Variants in FMN1 observed in about 807,000 individuals in gnomAD.
The protein encoded by FMN1 is formin-1.
Under a neutral mutation model 132.4 loss-of-function variants are expected in FMN1, and 110 were observed. The ratio of observed to expected loss-of-function variants is 0.83; its 90% CI spans 0.71 to 0.97. The LOEUF is 0.97. FMN1 is among the 50% of genes least tolerant of loss of function. The pLI, the probability that FMN1 is intolerant of heterozygous loss-of-function variation, is 0.00. For missense variants in FMN1, 1,792 were observed against 1,705.3 expected, an observed-to-expected ratio of 1.05 and a Z score of -0.90; for synonymous variants, 722 against 651.7, an observed-to-expected ratio of 1.11 and a Z score of -1.64.
intron 5 of FMN1, among the ~76,000 whole-genome samples, 190 bp from the exon 6 acceptor site, chr15:33,065,264 G>A (rs555423381): frequency 6.6e-6 from 1 of 151,686 alleles, no homozygotes; most frequent in Admixed American, 6.5e-5. Flanking sequence ...CAGTTGAGGT[G>A]AAAATTTAAA....
At chr15:33,030,438 T>C (rs1276124150) in intron 6 of FMN1, among the ~76,000 whole-genome samples, 1 of 152,226 alleles carries the variant, frequency 6.6e-6, no homozygotes, top group Non-Finnish European at 1.5e-5. Flanking sequence ...TCTGTGGATC[T>C]ACGTTCTGAC....
intron 17 of FMN1, among the ~76,000 whole-genome samples, chr15:32,825,920 C>T (rs2058353543): frequency 6.6e-6 from 1 of 152,136 alleles, no homozygotes; most frequent in Non-Finnish European, 1.5e-5. Context: ...AACCTTTTCC[C>T]CAAATTGTAT....
intron 8 of FMN1, among the ~76,000 whole-genome samples, chr15:32,967,709 A>G (rs865795491): frequency 6.6e-6 from 1 of 152,174 alleles, no homozygotes; most frequent in African/African-American, 2.4e-5. Flanking sequence ...TATGAAGCAC[A>G]TATGCTTAGT....
intron 17 of FMN1, among the ~76,000 whole-genome samples, chr15:32,848,851 A>T (rs577099589): frequency 6.6e-6 from 1 of 152,238 alleles, no homozygotes; most frequent in South Asian, 2.1e-4. Flanking sequence ...AACCTGTTTG[A>T]TTAGTTTTAG....
intron 17 of FMN1, among the ~76,000 whole-genome samples, chr15:32,848,178 A>G (rs1006489791): frequency 2.6e-5 from 4 of 152,194 alleles, no homozygotes; most frequent in Non-Finnish European, 2.9e-5. Context: ...CTTCTTGACC[A>G]TAATGTAAAT....
intron 6 of FMN1, among the ~76,000 whole-genome samples, chr15:33,026,890 C>T (rs2035703482): frequency 6.6e-6 from 1 of 152,120 alleles, no homozygotes; most frequent in Non-Finnish European, 1.5e-5. Context: ...TGGAAAAGTA[C>T]TCCAAAATAT....
intron 16 of FMN1, among the ~76,000 whole-genome samples, chr15:32,882,460 T>TG (rs2059793581): frequency 6.6e-6 from 1 of 152,170 alleles, no homozygotes; most frequent in African/African-American, 2.4e-5. Context: ...ATGGTGGAAA[T>TG]GGACACACGC....
chr15:33,162,706 A>T (rs986210390), intron 3 of FMN1, among the ~76,000 whole-genome samples: 29 of 152,244 alleles, frequency 1.9e-4, no homozygotes, highest in Middle Eastern at 6.3e-3. Flanking sequence ...ACTCTTAAAG[A>T]TTAAGTCAAA....
intron 16 of FMN1, among the ~76,000 whole-genome samples, chr15:32,876,822 T>C (rs1172218749): frequency 1.3e-5 from 2 of 152,238 alleles, no homozygotes; most frequent in Non-Finnish European, 2.9e-5. Context: ...AGATTCATAA[T>C]TCAAGTAAAA....
chr15:32,951,336 G>GT (rs1293265051), intron 9 of FMN1, among the ~76,000 whole-genome samples: 3 of 151,990 alleles, frequency 2.0e-5, no homozygotes, highest in African/African-American at 7.2e-5. Flanking sequence ...GCATTGGGTG[G>GT]TTTTTTCTTG....
intron 5 of FMN1, among the ~76,000 whole-genome samples, chr15:33,065,536 T>TC (rs1244222125): frequency 6.6e-6 from 1 of 152,178 alleles, no homozygotes; most frequent in African/African-American, 2.4e-5. Context: ...ACTGCTAATT[T>TC]CCTTTTATTC....
chr15:32,856,469 T>C (rs2059133416), intron 17 of FMN1, among the ~76,000 whole-genome samples: 1 of 152,224 alleles, frequency 6.6e-6, no homozygotes, highest in African/African-American at 2.4e-5. Flanking sequence ...GTCTCATGCA[T>C]ACCAGCACAT....
rs374773566 is a variant in FMN1 at position 33,126,524 on chromosome 15, C to G, written c.1867+26524G>C. 7.9e-5 allele frequency among the ~76,000 whole-genome samples: 12 copies of G among 152,294 alleles called. No homozygotes were observed. In the East Asian group the frequency reaches 9.6e-4, roughly 12 times the overall value. ...ATCTACTCCTCTTATTCGCTGAGTA[C>G]CTCCAAAACTCACTGAAAAACTCCA... On this transcript the variant is annotated intron_variant, in intron 4 of 20. Transcript: ENST00000616417.
chr15:33,103,444 A>G (rs2039368836), intron 4 of FMN1, among the ~76,000 whole-genome samples: 1 of 152,128 alleles, frequency 6.6e-6, no homozygotes, highest in Non-Finnish European at 1.5e-5. Flanking sequence ...GTACATAAAC[A>G]CTGGCTGTTA....
intron 6 of FMN1, among the ~76,000 whole-genome samples, chr15:33,016,303 TCA>T: frequency 6.6e-6 from 1 of 152,174 alleles, no homozygotes; most frequent in East Asian, 1.9e-4. Context: ...ACAAAAATGG[TCA>T]CAGTTCATGT....
intron 4 of FMN1, among the ~76,000 whole-genome samples, chr15:33,094,506 T>G (rs1452157959): frequency 6.6e-6 from 1 of 152,148 alleles, no homozygotes; most frequent in Non-Finnish European, 1.5e-5. Context: ...AATCTGTTCA[T>G]GTTCCAAAAA....
intron 19 of FMN1, among the ~76,000 whole-genome samples, chr15:32,786,684 A>G (rs146428146): frequency 1.0e-3 from 153 of 152,308 alleles, no homozygotes; most frequent in African/African-American, 3.6e-3. Flanking sequence ...CATTTTGAAT[A>G]GAGAAGATTG....
At chr15:33,140,893 C>T (rs1374673029) in intron 4 of FMN1, among the ~76,000 whole-genome samples, 1 of 152,174 alleles carries the variant, frequency 6.6e-6, no homozygotes, top group Non-Finnish European at 1.5e-5. Context: ...TTTTAATTGT[C>T]ATATTCCTAA....
chr15:32,956,145 A>G (rs2956150), intron 9 of FMN1, among the ~76,000 whole-genome samples: 149,684 of 152,190 alleles, frequency 0.98, 73,665 homozygotes, highest in East Asian at 1. Context: ...GGATCCATGC[A>G]ACTTTTATCT....
Sources: allele counts gnomAD v4.1 joint callset (sites outside exome capture counted in the v4.1 genomes callset), GRCh38; gene constraint gnomAD v4.1.1; transcripts MANE v1.5; gene names NCBI Gene and HGNC (gene_info 2026-07-23, HGNC 2026-07-21).